Variants in SGPL1 observed in about 807,000 individuals in gnomAD.
SGPL1 encodes the protein sphingosine-1-phosphate lyase 1, also known as SP-lyase 1.
A neutral mutation model predicts 68.9 loss-of-function variants in SGPL1; 37 were observed. The observed-to-expected ratio is 0.54, with a 90% CI of 0.41 to 0.71. The LOEUF (loss-of-function observed/expected upper bound fraction) is 0.71. Among genes scored for constraint, SGPL1 ranks in the 30% least tolerant of loss-of-function variants. The pLI, the probability that SGPL1 is intolerant of heterozygous loss-of-function variation, is 0.00. For synonymous variants in SGPL1, 236 were observed against 248.5 expected (o/e 0.95, Z 0.47); for missense variants, 551 against 704.6 (o/e 0.78, Z 2.47).
At position 70,875,688 on chromosome 10, in the gene SGPL1, T is replaced by C. The variant is rs572851544; in HGVS notation, c.1445+140T>C. ...AACTGTAGTATATAAAGGATTTCTC[T>C]CTTGCCACCTGGAATTATTAGATAC... On this transcript the variant is annotated intron_variant, in intron 13 of 14. Coordinates refer to ENST00000373202, the MANE Select transcript of SGPL1 (RefSeq NM_003901.4). 2.0e-4 allele frequency: 117 copies of C among 592,494 alleles called. No homozygotes were observed. The African/African-American group carries it at 2.0e-3, about 10-fold the overall frequency. 36.7% of individuals were successfully genotyped at this position (592,494 alleles called of 1,614,324 possible).
rs953316223 is a variant in SGPL1, at chr10:70,877,295, C to T, written c.1667C>T (p.Thr556Ile). ...AGCTTGTACAGCACCGACACTGTCA[C>T]CCAGGGCAGCCAGATGAATGGTTCT... is the stretch of plus-strand genomic sequence containing the variant. ...LDSLYSTDTV[T>I]QGSQMNGSPK... Residue 556 changes from threonine to isoleucine, a missense_variant, in exon 15 of 15, where the codon ACC becomes ATC. Coordinates refer to ENST00000373202, the MANE Select transcript of SGPL1 (RefSeq NM_003901.4). The T allele has an allele frequency of 3.7e-6, 6 of 1,614,062 alleles. No homozygotes were observed. The highest frequency in any genetic ancestry group is 5.1e-6 in the Non-Finnish European group (6 of 1,180,008).
chr10:70,875,531 G>T lies in SGPL1; in HGVS notation c.1428G>T (p.Gln476His), dbSNP rs776804634. Residue 476 changes from glutamine to histidine, a missense_variant, in exon 13 of 15, where the codon CAG becomes CAT. Physicochemically the swap from Gln to His is conservative, Grantham distance 24 (BLOSUM62 0). Transcript: ENST00000373202. ...CTGCTAAGGGGTGGAACTTGAACCA[G>T]TTGCAGTTCCCACCCAGGTAAGCTT... Reference protein sequence around the residue: ...LMTAKGWNLNQLQFPPSIHFC... With the variant: ...LMTAKGWNLNHLQFPPSIHFC... The T allele has an allele frequency of 1.2e-6, 2 of 1,609,868 alleles. No individual in the cohort carries two copies. The highest frequency in any genetic ancestry group is 8.5e-7 in the Non-Finnish European group (1 of 1,177,882).
intron 2 of SGPL1, among the ~76,000 whole-genome samples, chr10:70,842,487 C>T (rs564242650): frequency 1.3e-5 from 2 of 152,180 alleles, no homozygotes; most frequent in Non-Finnish European, 2.9e-5. Flanking sequence ...GCTCATGGTT[C>T]TGCATATTTG....
At chr10:70,846,933 C>G (rs1432656367) in intron 3 of SGPL1, among the ~76,000 whole-genome samples, 1 of 152,064 alleles carries the variant, frequency 6.6e-6, no homozygotes, top group African/African-American at 2.4e-5. Flanking sequence ...TTCAGTTCTG[C>G]AGCTCACTAT....
rs1214511097 is a variant in SGPL1 at position 70,877,808 on chromosome 10, CT to C, written c.*497del. The C allele has an allele frequency of 0.24, 15,451 of 65,210 alleles. 643 individuals are homozygous for C. The highest frequency in any genetic ancestry group is 0.28 in the Middle Eastern group (23 of 82). 4.0% of individuals were successfully genotyped at this position (65,210 alleles called of 1,614,324 possible). On this transcript the variant is annotated 3_prime_UTR_variant, in exon 15 of 15. Coordinates refer to ENST00000373202, the MANE Select transcript of SGPL1 (RefSeq NM_003901.4). ...AGGAGGCTTTTTCAGCCTTCTCTCT[CT>C]TTTTTTTTTTTTTTTTTTTTTTTGA...
At chr10:70,875,291 T>TA in intron 12 of SGPL1, 111 bp from the exon 13 acceptor site, 3 of 686,898 alleles carry the variant, frequency 4.4e-6, no homozygotes, top group Non-Finnish European at 7.5e-6. Context: ...CCCAAAGGGT[T>TA]AGATTGCATT....
intron 3 of SGPL1, among the ~76,000 whole-genome samples, chr10:70,845,139 T>C (rs906506277): frequency 6.6e-6 from 1 of 152,162 alleles, no homozygotes; most frequent in African/African-American, 2.4e-5. Context: ...TAATACTCCT[T>C]ACATTGATTT....
At chr10:70,820,699 C>T (rs1845322424) in intron 2 of SGPL1, among the ~76,000 whole-genome samples, 1 of 151,696 alleles carries the variant, frequency 6.6e-6, no homozygotes, top group Non-Finnish European at 1.5e-5. Context: ...TGCTTGAACC[C>T]GGGAGGTGGA....
intron 2 of SGPL1, among the ~76,000 whole-genome samples, chr10:70,827,958 G>A (rs1845464727): frequency 6.6e-6 from 1 of 152,082 alleles, no homozygotes; most frequent in Non-Finnish European, 1.5e-5. Context: ...CATGTTCTTA[G>A]GTAGCATTAG....
At chr10:70,834,944 G>T (rs1240858568) in intron 2 of SGPL1, among the ~76,000 whole-genome samples, 2 of 152,184 alleles carry the variant, frequency 1.3e-5, no homozygotes, top group South Asian at 2.1e-4. Flanking sequence ...AGCTCTGATG[G>T]CCTATGATGT....
At chr10:70,841,868 C>T (rs1845720394) in intron 2 of SGPL1, among the ~76,000 whole-genome samples, 1 of 152,054 alleles carries the variant, frequency 6.6e-6, no homozygotes, top group South Asian at 2.1e-4. Context: ...CCTTCCCTTC[C>T]TCTTCTAGTC....
chr10:70,820,842 C>T (rs974928707), intron 2 of SGPL1, among the ~76,000 whole-genome samples: 5 of 152,094 alleles, frequency 3.3e-5, no homozygotes, highest in African/African-American at 1.2e-4. Context: ...AATTTTAAAA[C>T]TTGTATCTGC....
intron 4 of SGPL1, 93 bp downstream of exon 4, chr10:70,851,303 G>A (rs1845876774): frequency 8.8e-7 from 1 of 1,130,676 alleles, no homozygotes. Flanking sequence ...AAAGTGGAGG[G>A]GTGATTTTGT....
chr10:70,843,077 A>ATTT (rs902103550), intron 2 of SGPL1, among the ~76,000 whole-genome samples: 13 of 152,204 alleles, frequency 8.5e-5, no homozygotes, highest in Non-Finnish European at 1.3e-4. Flanking sequence ...TTTCCTTTTA[A>ATTT]CTTTTCTACC....
At chr10:70,857,768 T>C (rs780902064) in intron 6 of SGPL1, 78 bp downstream of exon 6, 28 of 924,444 alleles carry the variant, frequency 3.0e-5, no homozygotes, top group Middle Eastern at 2.5e-4. Context: ...CTTACTTTTG[T>C]AATTAGAAAA....
intron 2 of SGPL1, among the ~76,000 whole-genome samples, chr10:70,835,603 G>A (rs972252942): frequency 6.6e-6 from 1 of 152,014 alleles, no homozygotes; most frequent in African/African-American, 2.4e-5. Context: ...GGGAGTGGTG[G>A]CGGGTGCCTG....
chr10:70,865,448 G>C (rs1846167603), intron 7 of SGPL1, among the ~76,000 whole-genome samples: 1 of 152,148 alleles, frequency 6.6e-6, no homozygotes, highest in Admixed American at 6.5e-5. Context: ...AAGAAGGATA[G>C]AGTCTGATTC....
chr10:70,853,066 C>CT (rs1845912702), intron 4 of SGPL1, among the ~76,000 whole-genome samples: 2 of 152,186 alleles, frequency 1.3e-5, no homozygotes, highest in African/African-American at 4.8e-5. Context: ...ATAGCATACT[C>CT]TATGTATGGA....
At position 70,877,510 on chromosome 10, in the gene SGPL1, G is replaced by T; in HGVS notation, c.*175G>T. The T allele has an allele frequency of 5.4e-6, 3 of 551,542 alleles. No individual in the cohort carries two copies. Among genetic ancestry groups the T allele is most frequent in the South Asian group, 7.0e-5 (2 of 28,408 alleles). 34.2% of individuals were successfully genotyped at this position (551,542 alleles called of 1,614,324 possible). A position where few individuals can be genotyped will look rare whatever the true frequency, so the allele number is the denominator to read the frequency against. On this transcript the variant is annotated 3_prime_UTR_variant, in exon 15 of 15. Transcript: ENST00000373202. ...GTTCTTCCTCTTATCTTCCTTTTGT[G>T]GTTTTTAATTTGAAGACCCCAGAGA...
Sources: allele counts gnomAD v4.1 joint callset (sites outside exome capture counted in the v4.1 genomes callset), GRCh38; gene constraint gnomAD v4.1.1; transcripts MANE v1.5; gene names NCBI Gene and HGNC (gene_info 2026-07-23, HGNC 2026-07-21).